The following SAP130 variants were observed in gnomAD, a reference collection of about 807,000 sequenced individuals.
SAP130 encodes histone deacetylase complex subunit SAP130.
SAP130 carries 16 observed loss-of-function variants against 103.2 expected under a neutral mutation model. That is an observed-to-expected ratio of 0.16 (90% CI 0.10 to 0.24). SAP130 has a LOEUF of 0.24. Ranked by LOEUF, SAP130 falls within the 10% of genes least tolerant of loss-of-function variation. The probability of loss-of-function intolerance (pLI) is 1.00; values close to 1 mark genes in which losing one functional copy is unlikely to be tolerated. For missense variants in SAP130, 990 were observed against 1,359.7 expected (o/e 0.73, Z 4.28); for synonymous variants, 477 against 497.0 (o/e 0.96, Z 0.53).
chr2:127,970,541 T>TAAAAAA (rs70985493), intron 15 of SAP130, among the ~76,000 whole-genome samples: 3 of 80,012 alleles, frequency 3.7e-5, no homozygotes, highest in Non-Finnish European at 6.6e-5. Flanking sequence ...GACTCTGTCT[T>TAAAAAA]AAAAAAAAAA....
At chr2:127,958,462 A>G (rs1222706092) in intron 15 of SAP130, among the ~76,000 whole-genome samples, 2 of 152,250 alleles carry the variant, frequency 1.3e-5, no homozygotes, top group African/African-American at 4.8e-5. Context: ...AACATTGAGA[A>G]CAAAGATCAT....
chr2:127,986,910 T>C lies in SAP130; in HGVS notation c.1833A>G (p.Pro611=). ...TTGTTGCTGCTGGAGCAGCACTGAA[T>C]GGATTGCTAATAGGGTTGGCCACAA... The part of the protein sequence containing the change: ...ATIVANPISN[P]FSAAPAATTV... The change falls in exon 14 of 21, where the codon CCA becomes CCG. Residue 611 remains proline (P), a synonymous_variant. Transcript: ENST00000643581. The surrounding 1 kb of genome is among the most constrained non-coding windows in gnomAD (Gnocchi z 4.7). The C allele has an allele frequency of 6.2e-7, 1 of 1,614,192 alleles. No homozygotes were observed.
chr2:127,999,314 A>G (rs1683382416), intron 10 of SAP130, among the ~76,000 whole-genome samples: 1 of 152,112 alleles, frequency 6.6e-6, no homozygotes. Context: ...CCTCTTCACA[A>G]AAACTGCCTT....
intron 15 of SAP130, among the ~76,000 whole-genome samples, chr2:127,960,162 T>A (rs1289226169): frequency 1.3e-5 from 2 of 152,202 alleles, no homozygotes. Flanking sequence ...TTTTCTGATA[T>A]GCCAAGTATC....
chr2:128,022,118 C>T (rs1017614099), intron 2 of SAP130, among the ~76,000 whole-genome samples: 7 of 152,226 alleles, frequency 4.6e-5, no homozygotes, highest in African/African-American at 1.7e-4. Flanking sequence ...ATTCCCTCCC[C>T]ACAACCTCTA....
At chr2:127,965,584 G>GT (rs1434867623) in intron 15 of SAP130, among the ~76,000 whole-genome samples, 1 of 152,126 alleles carries the variant, frequency 6.6e-6, no homozygotes, top group Non-Finnish European at 1.5e-5. Context: ...GAGATTAGGA[G>GT]TTTGAGACCA....
At chr2:128,003,935 G>T (rs1391481498) in intron 7 of SAP130, among the ~76,000 whole-genome samples, 1 of 112,192 alleles carries the variant, frequency 8.9e-6, no homozygotes, top group African/African-American at 3.2e-5. Context: ...ATACCCAACT[G>T]TGTAGTTCTC....
At chr2:127,980,272 C>T (rs1054434735) in intron 14 of SAP130, among the ~76,000 whole-genome samples, 4 of 152,036 alleles carry the variant, frequency 2.6e-5, no homozygotes, top group Non-Finnish European at 5.9e-5. Flanking sequence ...ACCCTCCCAC[C>T]CCCAACACTG....
At chr2:127,946,843 C>T (rs746303698) in intron 18 of SAP130, among the ~76,000 whole-genome samples, 2 of 150,672 alleles carry the variant, frequency 1.3e-5, no homozygotes, top group Non-Finnish European at 3.0e-5. Flanking sequence ...AAGATCGCAC[C>T]ATTGTACTGC....
chr2:128,015,651 C>T (rs748184045), intron 4 of SAP130, among the ~76,000 whole-genome samples: 1 of 151,942 alleles, frequency 6.6e-6, no homozygotes, highest in Non-Finnish European at 1.5e-5. Context: ...AATAAATGTT[C>T]GCAACTAAGG....
intron 7 of SAP130, among the ~76,000 whole-genome samples, chr2:128,006,648 G>A (rs988204787): frequency 6.6e-6 from 1 of 152,284 alleles, no homozygotes; most frequent in African/African-American, 2.4e-5. Flanking sequence ...GGTGCATGGT[G>A]GCACGTGCCC....
intron 14 of SAP130, 41 bp from the exon 15 acceptor site, chr2:127,978,130 A>G (rs1031147826): frequency 8.4e-6 from 12 of 1,430,592 alleles, no homozygotes; most frequent in Admixed American, 7.9e-5. Flanking sequence ...CAGCAGTCCA[A>G]GGGCATTCAA....
Position 127,999,778 on chromosome 2 carries a change from G to C in SAP130, c.1176C>G (p.Ser392=), listed in dbSNP as rs753140968. 2 of 1,532,222 alleles carry C rather than the reference G, an allele frequency of 1.3e-6. No homozygotes were observed. Among genetic ancestry groups the C allele is most frequent in the East Asian group, 2.3e-5 (1 of 44,218 alleles). 94.9% of individuals were successfully genotyped at this position (1,532,222 alleles called of 1,614,324 possible). A position where few individuals can be genotyped will look rare whatever the true frequency, so the allele number is the denominator to read the frequency against. The change falls in exon 10 of 21, where the codon TCC becomes TCG. Residue 392 remains serine (S), a synonymous_variant. Transcript: ENST00000643581. ...IVTMTVPSHS[S]HATAVTTSNI... is the part of the protein sequence containing the mutation. ...TTGAGGTGGTCACAGCAGTAGCATGGGAGGAATGGGAGGGTACTGTCATGG... is the reference window on the plus strand; with the variant it reads ...TTGAGGTGGTCACAGCAGTAGCATGCGAGGAATGGGAGGGTACTGTCATGG...
At chr2:128,001,641 T>C (rs950279996) in intron 7 of SAP130, among the ~76,000 whole-genome samples, 2 of 152,204 alleles carry the variant, frequency 1.3e-5, no homozygotes, top group African/African-American at 4.8e-5. Context: ...CTGCCTACAG[T>C]ATTCAGTACA....
At chr2:127,982,410 C>CA (rs891865846) in intron 14 of SAP130, among the ~76,000 whole-genome samples, 4 of 152,288 alleles carry the variant, frequency 2.6e-5, no homozygotes, top group African/African-American at 9.6e-5. Context: ...GAGGAACAGA[C>CA]AGAGGCAGGA....
In SAP130 at chr2:128,026,246, A is replaced by G. The variant is rs768566966; in HGVS notation, c.47T>C (p.Leu16Pro). Residue 16 changes from leucine to proline, a missense_variant, in exon 2 of 21, where the codon CTG (leucine) becomes CCG (proline). Coordinates refer to ENST00000643581, the MANE Select transcript of SAP130 (RefSeq NM_001330301.2). ...FPRLGAPSTG[L>P]SQAPSQIANS... ...TGCAATCTGAGAAGGGGCCTGGCTC[A>G]GCCCGGTAGAAGGGGCTCCTAACCG... is the stretch of plus-strand genomic sequence containing the variant. The G allele has an allele frequency of 5.6e-5, 91 of 1,614,076 alleles. No individual in the cohort carries two copies. Among genetic ancestry groups the G allele is most frequent in the Non-Finnish European group, 7.5e-5 (88 of 1,180,036 alleles).
chr2:127,975,047 G>C (rs186568574), intron 15 of SAP130, among the ~76,000 whole-genome samples: 1 of 152,102 alleles, frequency 6.6e-6, no homozygotes, highest in Admixed American at 6.6e-5. Context: ...CTCTCAGAAC[G>C]TATCCCCATT....
intron 1 of SAP130, chr2:128,027,192 G>C: frequency 8.1e-7 from 1 of 1,231,508 alleles, no homozygotes; most frequent in Non-Finnish European, 1.0e-6. Flanking sequence ...CTCGGCGGGC[G>C]CGGGGAGGGA....
At chr2:128,014,951 T>G (rs751559590) in intron 4 of SAP130, 37 bp from the exon 5 acceptor site, 27 of 1,532,814 alleles carry the variant, frequency 1.8e-5, no homozygotes, top group Admixed American at 8.5e-5. Context: ...TTTTACATGT[T>G]TGCTCTTAGC....
Sources: allele counts gnomAD v4.1 joint callset (sites outside exome capture counted in the v4.1 genomes callset), GRCh38; gene constraint gnomAD v4.1.1; non-coding constraint Gnocchi (gnomAD v3.1); transcripts MANE v1.5; gene names NCBI Gene and HGNC (gene_info 2026-07-23, HGNC 2026-07-21).